Variants in ARHGEF3 observed in about 807,000 individuals in gnomAD.
ARHGEF3 encodes the protein Rho guanine nucleotide exchange factor 3.
ARHGEF3 carries 28 observed loss-of-function variants against 63.2 expected under a neutral mutation model. That is an observed-to-expected ratio of 0.44 (90% CI 0.33 to 0.61). The LOEUF (loss-of-function observed/expected upper bound fraction) is 0.61. Among genes scored for constraint, ARHGEF3 ranks in the 20% least tolerant of loss-of-function variants. The probability of loss-of-function intolerance (pLI) is 0.03; values close to 1 mark genes in which losing one functional copy is unlikely to be tolerated. For synonymous variants in ARHGEF3, 266 were observed against 254.2 expected, an observed-to-expected ratio of 1.05 and a Z score of -0.44; for missense variants, 533 against 659.3, an observed-to-expected ratio of 0.81 and a Z score of 2.10.
At chr3:56,773,846 A>C in intron 1 of ARHGEF3, 30 bp from the exon 2 acceptor site, 1 of 1,529,132 alleles carries the variant, frequency 6.5e-7, no homozygotes, top group Non-Finnish European at 8.9e-7. Context: ...AAAAAGTAAA[A>C]TGTCAAGGTC....
In ARHGEF3 at chr3:56,819,324, T is replaced by A. The variant is rs148910515; in HGVS notation, c.193-45508A>T. ...AGCTTTGTGTATCTTTGAACTCAGG[T>A]CCAGAATAGTCCCTCCCTCATCCTT... On this transcript the variant is annotated intron_variant, in intron 4 of 12. Coordinates refer to the ARHGEF3 transcript ENST00000338458. Among the ~76,000 whole-genome samples the A allele has an allele frequency of 4.3e-3, 652 of 152,284 alleles. 7 individuals are homozygous for A. Among genetic ancestry groups the A allele is most frequent in the African/African-American group, 0.015 (615 of 41,558 alleles).
chr3:57,065,629 T>A (rs1211158926), intron 1 of ARHGEF3, among the ~76,000 whole-genome samples: 2 of 152,098 alleles, frequency 1.3e-5, no homozygotes, highest in Non-Finnish European at 2.9e-5. Context: ...TCAATAAAAA[T>A]AAAAGCTATA....
intron 3 of ARHGEF3, among the ~76,000 whole-genome samples, chr3:56,887,753 CCCTTT>C (rs1420121508): frequency 1.3e-5 from 2 of 152,206 alleles, no homozygotes; most frequent in Non-Finnish European, 2.9e-5. Flanking sequence ...CAGTCCACTT[CCCTTT>C]CAACCATGAA....
At chr3:56,739,540 C>G (rs1409810140) in intron 7 of ARHGEF3, among the ~76,000 whole-genome samples, 1 of 151,774 alleles carries the variant, frequency 6.6e-6, no homozygotes, top group Non-Finnish European at 1.5e-5. Context: ...GCTGGGACCA[C>G]AGGCGTGCGC....
At chr3:57,062,332 G>A (rs1379412492) in intron 1 of ARHGEF3, among the ~76,000 whole-genome samples, 1 of 152,172 alleles carries the variant, frequency 6.6e-6, no homozygotes, top group Non-Finnish European at 1.5e-5. Flanking sequence ...CCACAGCCTG[G>A]CAAGGGTGGC....
At position 56,851,076 on chromosome 3, in the gene ARHGEF3, C is replaced by T. The variant is rs78892143; in HGVS notation, c.192+31216G>A. 1.9e-3 allele frequency among the ~76,000 whole-genome samples: 284 copies of T among 152,166 alleles called. 9 individuals are homozygous for T. In the South Asian group the frequency reaches 0.023, roughly 12 times the overall value. ...TTTGGTGGAGAATTCCCTCAGATTC[C>T]ACCTGAGGGCCCTGGTTGTGTACTA... is the stretch of plus-strand genomic sequence containing the variant. On this transcript the variant is annotated intron_variant, in intron 4 of 12. Coordinates refer to the ARHGEF3 transcript ENST00000338458.
chr3:57,035,883 C>A (rs1268644415), intron 1 of ARHGEF3, among the ~76,000 whole-genome samples: 1 of 152,228 alleles, frequency 6.6e-6, no homozygotes, highest in Non-Finnish European at 1.5e-5. Flanking sequence ...AGCACAGCCA[C>A]CCCTGTCACC....
At chr3:56,929,799 T>A (rs552509216) in intron 3 of ARHGEF3, among the ~76,000 whole-genome samples, 1 of 152,328 alleles carries the variant, frequency 6.6e-6, no homozygotes, top group South Asian at 2.1e-4. Flanking sequence ...GCTAACAGGA[T>A]GACTGTTCTT....
At chr3:56,904,279 A>C (rs148956846) in intron 3 of ARHGEF3, among the ~76,000 whole-genome samples, 121 of 152,226 alleles carry the variant, frequency 7.9e-4, no homozygotes, top group Admixed American at 1.3e-3. Flanking sequence ...CAATCCTCCC[A>C]CTTTGGCCCC....
chr3:57,078,072 C>G (rs1466545385), intron 1 of ARHGEF3, among the ~76,000 whole-genome samples: 1 of 152,158 alleles, frequency 6.6e-6, no homozygotes, highest in Non-Finnish European at 1.5e-5. Context: ...GAGGATTTAC[C>G]CTGCCCCAGT....
intron 1 of ARHGEF3, among the ~76,000 whole-genome samples, chr3:57,049,864 C>T (rs929685433): frequency 4.6e-5 from 7 of 152,198 alleles, no homozygotes; most frequent in Non-Finnish European, 1.0e-4. Context: ...CGTCCACATT[C>T]GCAGGACCCT....
At chr3:57,012,930 G>C (rs1372959210) in intron 2 of ARHGEF3, among the ~76,000 whole-genome samples, 1 of 152,262 alleles carries the variant, frequency 6.6e-6, no homozygotes, top group Non-Finnish European at 1.5e-5. Flanking sequence ...TCGCAGGCCA[G>C]CGTGAATTCC....
chr3:56,989,693 G>C (rs1194317292), intron 2 of ARHGEF3, among the ~76,000 whole-genome samples: 1 of 152,098 alleles, frequency 6.6e-6, no homozygotes, highest in Non-Finnish European at 1.5e-5. Flanking sequence ...TGGGGCCCTC[G>C]TGGATTCCAG....
At chr3:57,005,809 T>C (rs559298475) in intron 2 of ARHGEF3, among the ~76,000 whole-genome samples, 1 of 152,204 alleles carries the variant, frequency 6.6e-6, no homozygotes, top group Non-Finnish European at 1.5e-5. Flanking sequence ...TTCTGTACCA[T>C]AACTCAGCAT....
At chr3:56,937,228 T>C (rs969808543) in intron 3 of ARHGEF3, among the ~76,000 whole-genome samples, 2 of 152,226 alleles carry the variant, frequency 1.3e-5, no homozygotes, top group African/African-American at 4.8e-5. Context: ...TGAGAAAATA[T>C]GAATATAGAT....
Position 57,014,242 on chromosome 3 carries a change from G to A in ARHGEF3, c.62+20846C>T, listed in dbSNP as rs142880638. On this transcript the variant is annotated intron_variant, in intron 2 of 12. Coordinates refer to the ARHGEF3 transcript ENST00000338458. ...CTGAATATCCGAAGGAACAAACTCC[G>A]GACACACCATCTTTAAGAACTGTAA... Among the ~76,000 whole-genome samples, 1,025 of 152,168 alleles carry A rather than the reference G, an allele frequency of 6.7e-3. 12 individuals are homozygous for A. The highest frequency in any genetic ancestry group is 0.023 in the African/African-American group (973 of 41,518).
At chr3:56,824,578 G>A (rs1386850286) in intron 4 of ARHGEF3, among the ~76,000 whole-genome samples, 1 of 152,172 alleles carries the variant, frequency 6.6e-6, no homozygotes, top group African/African-American at 2.4e-5. Context: ...TTGCTTAAAA[G>A]CCTAGCCTTT....
chr3:57,010,317 G>T (rs567906213), intron 2 of ARHGEF3, among the ~76,000 whole-genome samples: 1 of 152,050 alleles, frequency 6.6e-6, no homozygotes, highest in Admixed American at 6.6e-5. Context: ...TTAGCCGGGC[G>T]TGGTGGCGGG....
intron 1 of ARHGEF3, among the ~76,000 whole-genome samples, chr3:57,077,358 C>A (rs1706267162): frequency 6.6e-6 from 1 of 152,170 alleles, no homozygotes; most frequent in African/African-American, 2.4e-5. Context: ...AGTTCAGAGT[C>A]CACTTTTCTG....
Sources: gnomAD v4.1 joint callset for allele counts (sites outside exome capture counted in the v4.1 genomes callset) on GRCh38, gnomAD v4.1.1 for gene constraint, MANE v1.5 for transcripts, NCBI Gene and HGNC (gene_info 2026-07-23, HGNC 2026-07-21) for gene names.